Variants in KIRREL3 observed in about 807,000 individuals in gnomAD.
KIRREL3 encodes kin of IRRE-like protein 3.
A neutral mutation model predicts 89.7 loss-of-function variants in KIRREL3; 36 were observed. The ratio of observed to expected loss-of-function variants is 0.40; its 90% CI spans 0.31 to 0.53. The LOEUF is 0.53. Among genes scored for constraint, KIRREL3 ranks in the 20% least tolerant of loss-of-function variants. The probability of loss-of-function intolerance (pLI) is 0.49; values close to 1 mark genes in which losing one functional copy is unlikely to be tolerated. For missense variants in KIRREL3, 864 were observed against 1,056.6 expected, an observed-to-expected ratio of 0.82 and a Z score of 2.53; for synonymous variants, 445 against 441.4, an observed-to-expected ratio of 1.01 and a Z score of -0.10.
Position 126,519,027 on chromosome 11 carries a change from C to A in KIRREL3, c.433+2288G>T, listed in dbSNP as rs75328112. ...GCTGGCTGAGGCTCCCTTTCTGGCT[C>A]TCAGGAATTTCACGGAGGGGACCCT... On this transcript the variant is annotated intron_variant, in intron 4 of 16. Coordinates refer to ENST00000525144, the MANE Select transcript of KIRREL3 (RefSeq NM_032531.4). This position sits in a 1 kb window ranked among gnomAD's most constrained non-coding sequence, Gnocchi z 4.3. 2.0e-5 allele frequency among the ~76,000 whole-genome samples: 3 copies of A among 152,162 alleles called. No individual in the cohort carries two copies. The highest frequency in any genetic ancestry group is 7.2e-5 in the African/African-American group (3 of 41,414).
At chr11:126,621,205 G>A (rs1185838214) in intron 1 of KIRREL3, among the ~76,000 whole-genome samples, 1 of 152,174 alleles carries the variant, frequency 6.6e-6, no homozygotes, top group East Asian at 1.9e-4. Flanking sequence ...ATCTTCATTT[G>A]ACTATTCAGA....
chr11:126,820,381 G>A (rs556175445), intron 1 of KIRREL3, among the ~76,000 whole-genome samples: 5 of 152,220 alleles, frequency 3.3e-5, no homozygotes, highest in South Asian at 2.1e-4. Context: ...AAAGATACAC[G>A]CATAGAAGAT....
Position 126,653,872 on chromosome 11 carries a change from T to C in KIRREL3, c.56-90960A>G, listed in dbSNP as rs1945012158. On this transcript the variant is annotated intron_variant, in intron 1 of 16. Coordinates refer to ENST00000525144, the MANE Select transcript of KIRREL3 (RefSeq NM_032531.4). This position sits in a 1 kb window ranked among gnomAD's most constrained non-coding sequence, Gnocchi z 5.4. ...GTCACCTTTGTTCCTCTATAGCCATTTTTAGTTGCACCAAAGGGGGGAGTT... is the reference window on the plus strand; with the variant it reads ...GTCACCTTTGTTCCTCTATAGCCATCTTTAGTTGCACCAAAGGGGGGAGTT... Among the ~76,000 whole-genome samples the C allele has an allele frequency of 6.6e-6, 1 of 152,184 alleles. No homozygotes were observed. The highest frequency in any genetic ancestry group is 2.1e-4 in the South Asian group (1 of 4,830).
Position 126,474,495 on chromosome 11 carries a change from T to C in KIRREL3, c.434-1029A>G, listed in dbSNP as rs1442472127. Among the ~76,000 whole-genome samples, 1 of 152,204 alleles carries C rather than the reference T, an allele frequency of 6.6e-6. No homozygotes were observed. The highest frequency in any genetic ancestry group is 1.5e-5 in the Non-Finnish European group (1 of 68,030). ...CAGGGTACAGGGCAGCCCTTCACAG[T>C]GGAGCCAGCGCTTCGGAGGGCTGTG... On this transcript the variant is annotated intron_variant, in intron 4 of 16. Coordinates refer to ENST00000525144, the MANE Select transcript of KIRREL3 (RefSeq NM_032531.4). This position sits in a 1 kb window ranked among gnomAD's most constrained non-coding sequence, Gnocchi z 6.7.
intron 1 of KIRREL3, among the ~76,000 whole-genome samples, chr11:126,849,335 G>T (rs532128617): frequency 6.6e-6 from 1 of 152,146 alleles, no homozygotes; most frequent in Admixed American, 6.5e-5. Flanking sequence ...ACATCATCAA[G>T]AAATAACCAT....
intron 1 of KIRREL3, among the ~76,000 whole-genome samples, chr11:126,625,207 T>A (rs986287557): frequency 6.6e-6 from 1 of 152,190 alleles, no homozygotes; most frequent in African/African-American, 2.4e-5. Flanking sequence ...TCAGAGAGGT[T>A]ACATGCCTTC....
At position 126,987,568 on chromosome 11, in the gene KIRREL3, T is replaced by C. The variant is rs544721578; in HGVS notation, c.55+12887A>G. Among the ~76,000 whole-genome samples, 1 of 152,272 alleles carries C rather than the reference T, an allele frequency of 6.6e-6. No individual in the cohort carries two copies. Among genetic ancestry groups the C allele is most frequent in the Admixed American group, 6.5e-5 (1 of 15,302 alleles). On this transcript the variant is annotated intron_variant, in intron 1 of 16. Coordinates refer to ENST00000525144, the MANE Select transcript of KIRREL3 (RefSeq NM_032531.4). The surrounding 1 kb of genome is among the most constrained non-coding windows in gnomAD (Gnocchi z 4.6). ...CTCTGCAAAAACCTCTGTCCCAATC[T>C]GATGAAGAGAACACCCAAAACAAAG...
At chr11:126,845,869 C>G (rs1301503677) in intron 1 of KIRREL3, among the ~76,000 whole-genome samples, 2 of 152,024 alleles carry the variant, frequency 1.3e-5, no homozygotes, top group African/African-American at 4.8e-5. Context: ...TAATTAAAAG[C>G]AGATATTCAG....
chr11:126,939,686 T>A, intron 1 of KIRREL3, among the ~76,000 whole-genome samples: 1 of 152,204 alleles, frequency 6.6e-6, no homozygotes, highest in East Asian at 1.9e-4. Flanking sequence ...TCCTTCAGAC[T>A]GGGTTGTTTA....
rs527253638 is a variant in KIRREL3 at position 126,750,711 on chromosome 11, G to A, written c.56-187799C>T. 1.3e-5 allele frequency among the ~76,000 whole-genome samples: 2 copies of A among 152,310 alleles called. No homozygotes were observed. Among genetic ancestry groups the A allele is most frequent in the East Asian group, 3.9e-4 (2 of 5,182 alleles). ...CTGGTTCCCTGACACCAGGAAGTAG[G>A]TATAATGTTTATTATTTTATAGGTA... On this transcript the variant is annotated intron_variant, in intron 1 of 16. Transcript: ENST00000525144. This position sits in a 1 kb window ranked among gnomAD's most constrained non-coding sequence, Gnocchi z 4.2.
intron 1 of KIRREL3, among the ~76,000 whole-genome samples, chr11:126,596,534 G>A (rs1235203942): frequency 6.6e-6 from 1 of 152,244 alleles, no homozygotes; most frequent in East Asian, 1.9e-4. Flanking sequence ...CCAGGGCCAA[G>A]ATATGTTCTT....
chr11:126,856,791 A>G (rs914184498), intron 1 of KIRREL3, among the ~76,000 whole-genome samples: 1 of 151,552 alleles, frequency 6.6e-6, no homozygotes. Context: ...AATTTTTTGT[A>G]TTTTTAGTAG....
chr11:126,806,517 G>A (rs1951208899), intron 1 of KIRREL3, among the ~76,000 whole-genome samples: 1 of 152,162 alleles, frequency 6.6e-6, no homozygotes, highest in South Asian at 2.1e-4. Context: ...GCAGTTTCAT[G>A]TAGTAGTTAC....
intron 1 of KIRREL3, among the ~76,000 whole-genome samples, chr11:126,787,606 G>A (rs2134348203): frequency 6.6e-6 from 1 of 152,300 alleles, no homozygotes; most frequent in Non-Finnish European, 1.5e-5. Flanking sequence ...GAATGTAAAT[G>A]TTCTTTCAAT....
Position 126,906,577 on chromosome 11 carries a change from T to TTTTTTG in KIRREL3, c.55+93872_55+93877dup, listed in dbSNP as rs200250342. On this transcript the variant is annotated intron_variant, in intron 1 of 16. Coordinates refer to ENST00000525144, the MANE Select transcript of KIRREL3 (RefSeq NM_032531.4). The surrounding 1 kb of genome is among the most constrained non-coding windows in gnomAD (Gnocchi z 4.1). Reference sequence around the variant, plus strand: ...CCCCCTGCCATGAAAAACAGCGTTGTTTTTTGTTTTTGTTTTTGCTTCAGA... The same window carrying TTTTTTG: ...CCCCCTGCCATGAAAAACAGCGTTGTTTTTTGTTTTTGTTTTTGTTTTTGCTTCAGA... Among the ~76,000 whole-genome samples, 2,800 of 151,702 alleles carry TTTTTTG rather than the reference T, an allele frequency of 0.018. 95 individuals are homozygous for TTTTTTG. Among genetic ancestry groups the TTTTTTG allele is most frequent in the East Asian group, 0.13 (680 of 5,140 alleles).
At position 126,764,828 on chromosome 11, in the gene KIRREL3, A is replaced by C. The variant is rs960073787; in HGVS notation, c.56-201916T>G. ...GTCCAACTTCAGAACTCAGAGGGGC[A>C]GCTCTCCTTTGGACTAGGCCTTTGG... On this transcript the variant is annotated intron_variant, in intron 1 of 16. Coordinates refer to ENST00000525144, the MANE Select transcript of KIRREL3 (RefSeq NM_032531.4). The surrounding 1 kb of genome is among the most constrained non-coding windows in gnomAD (Gnocchi z 4.2). Among the ~76,000 whole-genome samples, 2 of 152,172 alleles carry C rather than the reference A, an allele frequency of 1.3e-5. No individual in the cohort carries two copies. Among genetic ancestry groups the C allele is most frequent in the Non-Finnish European group, 2.9e-5 (2 of 68,020 alleles).
intron 7 of KIRREL3, among the ~76,000 whole-genome samples, chr11:126,451,326 ATTAG>A (rs1159160473): frequency 9.4e-6 from 1 of 106,226 alleles, no homozygotes; most frequent in East Asian, 3.0e-4. Flanking sequence ...GGTTGTGTGC[ATTAG>A]TGAGTGTGTG....
chr11:127,000,792 A>G, upstream of KIRREL3: 2 of 489,010 alleles, frequency 4.1e-6, no homozygotes, highest in Non-Finnish European at 7.2e-6. The surrounding 1 kb of genome is among the most constrained non-coding windows in gnomAD (Gnocchi z 7.1). Context: ...TCCCAGGCAC[A>G]CGGCTTCCTC....
chr11:126,497,411 T>A (rs934094514), intron 4 of KIRREL3, among the ~76,000 whole-genome samples: 7 of 152,158 alleles, frequency 4.6e-5, no homozygotes, highest in African/African-American at 1.7e-4. Flanking sequence ...CACCAGCATA[T>A]TGCAAGTCAA....
Sources: gnomAD v4.1 joint callset for allele counts (sites outside exome capture counted in the v4.1 genomes callset) on GRCh38, gnomAD v4.1.1 for gene constraint, Gnocchi (gnomAD v3.1) non-coding constraint, MANE v1.5 for transcripts, NCBI Gene and HGNC (gene_info 2026-07-23, HGNC 2026-07-21) for gene names.